The following PRR5L variants were observed in gnomAD, a reference collection of about 807,000 sequenced individuals.
PRR5L encodes proline-rich protein 5-like.
A neutral mutation model predicts 36.4 loss-of-function variants in PRR5L; 21 were observed. The ratio of observed to expected loss-of-function variants is 0.58; its 90% CI spans 0.41 to 0.83. PRR5L has a LOEUF of 0.83. Among genes scored for constraint, PRR5L ranks in the 40% least tolerant of loss-of-function variants. PRR5L has a pLI of 0.00. For synonymous variants in PRR5L, 188 were observed against 197.0 expected (o/e 0.95, Z 0.38); for missense variants, 381 against 473.3 (o/e 0.80, Z 1.81).
At chr11:36,348,177 T>C (rs1590465633) in intron 1 of PRR5L, among the ~76,000 whole-genome samples, 1 of 152,188 alleles carries the variant, frequency 6.6e-6, no homozygotes, top group South Asian at 2.1e-4. Context: ...TTTGACATGC[T>C]GGTCCCCTTA....
At chr11:36,454,405 G>C (rs1384302891) in intron 8 of PRR5L, among the ~76,000 whole-genome samples, 2 of 152,174 alleles carry the variant, frequency 1.3e-5, no homozygotes, top group Non-Finnish European at 2.9e-5. Context: ...TTAGTAAAAG[G>C]TTTATTTTGC....
At chr11:36,397,386 G>C (rs1190181564) in intron 1 of PRR5L, among the ~76,000 whole-genome samples, 1 of 141,688 alleles carries the variant, frequency 7.1e-6, no homozygotes, top group Admixed American at 7.1e-5. Context: ...TGTGAGGGTT[G>C]AGTAAGTTTA....
chr11:36,389,860 G>T (rs1333676039), intron 1 of PRR5L, among the ~76,000 whole-genome samples: 1 of 152,062 alleles, frequency 6.6e-6, no homozygotes, highest in South Asian at 2.1e-4. Context: ...TGATCCACCC[G>T]CCTTGGCCTC....
intron 1 of PRR5L, among the ~76,000 whole-genome samples, chr11:36,353,120 AGG>A (rs1856992446): frequency 6.6e-6 from 1 of 152,154 alleles, no homozygotes; most frequent in African/African-American, 2.4e-5. Context: ...CCCACATTGT[AGG>A]ATGTTTAGCA....
chr11:36,329,801 ATCT>A lies in PRR5L; in HGVS notation c.-126+33368_-126+33370del, dbSNP rs1209625166. Among the ~76,000 whole-genome samples the A allele has an allele frequency of 8.5e-5, 13 of 152,304 alleles. No individual in the cohort carries two copies. In the East Asian group the frequency reaches 2.5e-3, roughly 29 times the overall value. On this transcript the variant is annotated intron_variant, in intron 1 of 8. Coordinates refer to ENST00000530639, the MANE Select transcript of PRR5L (RefSeq NM_001160167.2). The stretch of plus-strand genomic sequence containing the variant: ...TCCCTATAGATTTGGGTGAATTCCT[ATCT>A]TCTTGAGGTCTTCAAAACATACAGT...
intron 1 of PRR5L, among the ~76,000 whole-genome samples, chr11:36,297,601 T>G (rs1274264385): frequency 6.6e-6 from 1 of 152,190 alleles, no homozygotes; most frequent in Admixed American, 6.5e-5. Context: ...TCCTCCCTCT[T>G]CCCTTGCCCT....
intron 6 of PRR5L, among the ~76,000 whole-genome samples, chr11:36,439,798 C>T (rs190261345): frequency 3.3e-5 from 5 of 152,300 alleles, no homozygotes; most frequent in Admixed American, 3.3e-4. Flanking sequence ...GACTGTATCT[C>T]TTAGGCTTTA....
chr11:36,369,243 G>C (rs1300399791), intron 1 of PRR5L, among the ~76,000 whole-genome samples: 1 of 152,216 alleles, frequency 6.6e-6, no homozygotes, highest in Non-Finnish European at 1.5e-5. Flanking sequence ...AGTGCAGAGA[G>C]TGATGCTGAG....
chr11:36,301,570 G>A (rs770883130), intron 1 of PRR5L, among the ~76,000 whole-genome samples: 9 of 152,124 alleles, frequency 5.9e-5, no homozygotes, highest in Middle Eastern at 3.2e-3. Flanking sequence ...GTAGGGGGCC[G>A]AGGACCCTTC....
chr11:36,370,771 C>T (rs2133511464), intron 1 of PRR5L, among the ~76,000 whole-genome samples: 1 of 150,910 alleles, frequency 6.6e-6, no homozygotes, highest in East Asian at 2.0e-4. Context: ...ATCCCAGCTG[C>T]TTGGGAGGCT....
intron 1 of PRR5L, among the ~76,000 whole-genome samples, chr11:36,330,306 C>T (rs913598159): frequency 1.3e-5 from 2 of 152,132 alleles, no homozygotes; most frequent in Middle Eastern, 3.2e-3. Flanking sequence ...ATATTCCAAA[C>T]AAAAAGGCCA....
At chr11:36,437,512 A>G in intron 6 of PRR5L, 36 bp downstream of exon 6, 1 of 1,327,866 alleles carries the variant, frequency 7.5e-7, no homozygotes, top group East Asian at 2.3e-5. Context: ...TGCCATCCTC[A>G]GCGATCTGTC....
intron 4 of PRR5L, among the ~76,000 whole-genome samples, chr11:36,431,259 A>G (rs1272867697): frequency 1.3e-5 from 2 of 152,220 alleles, no homozygotes; most frequent in East Asian, 1.9e-4. Flanking sequence ...ATAGGATTGA[A>G]TTAAATGAGA....
In PRR5L at chr11:36,383,141, G is replaced by T. The variant is rs1590511612; in HGVS notation, c.-125-17856G>T. 2.0e-5 allele frequency among the ~76,000 whole-genome samples: 3 copies of T among 152,360 alleles called. No individual in the cohort carries two copies. In the East Asian group the frequency reaches 5.8e-4, roughly 29 times the overall value. ...ATAATAGTGTCTACCTCCTAGGATT[G>T]TTGGGGGCCAAGTGGGATAACATGA... On this transcript the variant is annotated intron_variant, in intron 1 of 8. Transcript: ENST00000530639.
intron 1 of PRR5L, among the ~76,000 whole-genome samples, chr11:36,363,787 C>T (rs532461137): frequency 1.3e-5 from 2 of 152,344 alleles, no homozygotes; most frequent in Non-Finnish European, 2.9e-5. Flanking sequence ...ATGGCCCACC[C>T]CTCCCACAAG....
chr11:36,427,108 C>T (rs554019195), intron 4 of PRR5L, among the ~76,000 whole-genome samples: 9 of 152,324 alleles, frequency 5.9e-5, no homozygotes, highest in East Asian at 1.9e-4. Context: ...TGGTTTTAGA[C>T]GCCTTTCCCC....
intron 1 of PRR5L, among the ~76,000 whole-genome samples, chr11:36,337,984 T>C (rs1856784754): frequency 6.6e-6 from 1 of 152,242 alleles, no homozygotes; most frequent in Non-Finnish European, 1.5e-5. Context: ...TGATCTAAGA[T>C]GGTGCCAAAG....
At chr11:36,445,984 C>T (rs1207012292) in intron 6 of PRR5L, among the ~76,000 whole-genome samples, 2 of 152,140 alleles carry the variant, frequency 1.3e-5, no homozygotes, top group African/African-American at 2.4e-5. Context: ...TATTGATCTT[C>T]TCTTTGTTTC....
chr11:36,442,929 T>C (rs1417620412), intron 6 of PRR5L, among the ~76,000 whole-genome samples: 3 of 152,152 alleles, frequency 2.0e-5, no homozygotes, highest in Non-Finnish European at 4.4e-5. Flanking sequence ...CCCTCCAAAC[T>C]CTTCCAACCT....
Sources: gnomAD v4.1 joint callset for allele counts (sites outside exome capture counted in the v4.1 genomes callset) on GRCh38, gnomAD v4.1.1 for gene constraint, MANE v1.5 for transcripts, NCBI Gene and HGNC (gene_info 2026-07-23, HGNC 2026-07-21) for gene names.